ATG13: variants seen among roughly 807,000 people sequenced by gnomAD.
ATG13 encodes the protein autophagy-related protein 13.
In ATG13, 23 loss-of-function variants were observed where a neutral mutation model predicts 65.5. That is an observed-to-expected ratio of 0.35 (90% CI 0.25 to 0.50). The LOEUF is 0.50. ATG13 is among the 20% of genes least tolerant of loss of function. The pLI, the probability that ATG13 is intolerant of heterozygous loss-of-function variation, is 0.98. For missense variants in ATG13, 566 were observed against 677.0 expected (o/e 0.84, Z 1.82); for synonymous variants, 252 against 245.2 (o/e 1.03, Z -0.26).
Position 46,667,821 on chromosome 11 carries a change from T to C in ATG13, c.1185T>C (p.Pro395=), listed in dbSNP as rs1382414536. 2.5e-6 allele frequency: 4 copies of C among 1,612,358 alleles called. No individual in the cohort carries two copies. The African/African-American group carries it at 5.3e-5, about 21-fold the overall frequency. The change falls in exon 15 of 19, where the codon CCT becomes CCC. Residue 395 remains proline (P), a synonymous_variant. Coordinates refer to ENST00000683050, the MANE Select transcript of ATG13 (RefSeq NM_001346311.2). ...ACAGCAGTGAGGGACGGGCCTCCCC[T>C]CACGATGTCTTGGAGACCATCTTTG... ...VSNSSEGRAS[P]HDVLETIFVR... is the part of the protein sequence containing the mutation.
intron 2 of ATG13, among the ~76,000 whole-genome samples, chr11:46,641,411 G>A (rs1591742067): frequency 6.6e-6 from 1 of 152,182 alleles, no homozygotes; most frequent in South Asian, 2.1e-4. Context: ...ATGAGATAGG[G>A]TACTATGAAG....
Position 46,665,448 on chromosome 11 carries a change from G to A in ATG13, c.1065G>A (p.Gln355=). The A allele has an allele frequency of 6.2e-7, 1 of 1,614,216 alleles. No individual in the cohort carries two copies. The highest frequency in any genetic ancestry group is 8.5e-7 in the Non-Finnish European group (1 of 1,180,032). The change falls in exon 14 of 19, where the codon CAG becomes CAA. Residue 355 remains glutamine (Q), a synonymous_variant. Transcript: ENST00000683050. ...LAPNQPVHGT[Q]ADQERLATCT... is the part of the protein sequence containing the mutation. ...CCAACCAGCCTGTCCATGGTACCCA[G>A]GCTGACCAGGAGAGACTGGCAACCT... is the stretch of plus-strand genomic sequence containing the variant.
intron 2 of ATG13, among the ~76,000 whole-genome samples, chr11:46,642,804 G>A (rs186953112): frequency 6.6e-6 from 1 of 152,240 alleles, no homozygotes; most frequent in African/African-American, 2.4e-5. Context: ...ACTTCCTCTC[G>A]TCAAAAGCCT....
chr11:46,656,104 C>A, intron 7 of ATG13, 129 bp from the exon 8 acceptor site: 1 of 728,288 alleles, frequency 1.4e-6, no homozygotes. Context: ...TACTAATGCT[C>A]CATCAGCAGA....
chr11:46,630,692 C>T (rs1401803721), intron 2 of ATG13, among the ~76,000 whole-genome samples: 1 of 151,470 alleles, frequency 6.6e-6, no homozygotes, highest in African/African-American at 2.4e-5. Flanking sequence ...CTACCTCAGC[C>T]TCCCAGTAGC....
chr11:46,653,656 G>A (rs1044057324), intron 7 of ATG13, among the ~76,000 whole-genome samples: 2 of 150,084 alleles, frequency 1.3e-5, no homozygotes, highest in South Asian at 2.1e-4. Flanking sequence ...TGCAAGCTCC[G>A]CCTCCCAGGT....
intron 8 of ATG13, chr11:46,656,802 A>G: frequency 2.7e-6 from 1 of 368,494 alleles, no homozygotes; most frequent in East Asian, 4.6e-5. Flanking sequence ...TAAAACTAAC[A>G]GTTATTTTAT....
At chr11:46,638,000 TTA>T (rs1420493580) in intron 2 of ATG13, among the ~76,000 whole-genome samples, 2 of 152,228 alleles carry the variant, frequency 1.3e-5, no homozygotes, top group South Asian at 4.1e-4. Flanking sequence ...CATTTTTAAT[TTA>T]TGATTGATAC....
chr11:46,638,976 T>TTTTA (rs1209568485), intron 2 of ATG13, among the ~76,000 whole-genome samples: 58 of 151,558 alleles, frequency 3.8e-4, no homozygotes, highest in Middle Eastern at 6.8e-3. Context: ...CTCGGCTGAT[T>TTTTA]TTTATTTATT....
chr11:46,664,031 C>T lies in ATG13; in HGVS notation c.824C>T (p.Thr275Ile), dbSNP rs760922431. ...VFTVTKAHFQ[T>I]PTPVVTDTLR... ...ACTGTCACAAAGGCACATTTTCAGA[C>T]CCCTACTCCTGTGGTGACGGACACC... Residue 275 changes from threonine (T) to isoleucine (I), a missense_variant, in exon 12 of 19, where the codon ACC (threonine) becomes ATC (isoleucine). Coordinates refer to ENST00000683050, the MANE Select transcript of ATG13 (RefSeq NM_001346311.2). 6.3e-6 allele frequency: 10 copies of T among 1,591,130 alleles called. No homozygotes were observed. In the East Asian group the frequency reaches 1.8e-4, roughly 29 times the overall value.
Position 46,650,424 on chromosome 11 carries a change from T to G in ATG13, c.458+107T>G, listed in dbSNP as rs1031719058. The G allele has an allele frequency of 4.2e-6, 6 of 1,422,530 alleles. No homozygotes were observed. The African/African-American group carries it at 4.2e-5, about 10-fold the overall frequency. 88.1% of individuals were successfully genotyped at this position (1,422,530 alleles called of 1,614,324 possible). On this transcript the variant is annotated intron_variant, in intron 7 of 18. Coordinates refer to ENST00000683050, the MANE Select transcript of ATG13 (RefSeq NM_001346311.2). ...TGATGTTTTGGACAGTTGGTTGGTTTGTTGGATTATTGATGCTGTCGCTTT... is the reference window on the plus strand; with the variant it reads ...TGATGTTTTGGACAGTTGGTTGGTTGGTTGGATTATTGATGCTGTCGCTTT...
chr11:46,631,010 C>A (rs1309486124), intron 2 of ATG13: 1 of 152,092 alleles, frequency 6.6e-6, no homozygotes, highest in African/African-American at 2.4e-5. Context: ...CCATGCCCAG[C>A]CTATTCACTT....
At chr11:46,646,027 T>G in intron 5 of ATG13, 38 bp downstream of exon 5, 1 of 1,612,576 alleles carries the variant, frequency 6.2e-7, no homozygotes, top group Non-Finnish European at 8.5e-7. Flanking sequence ...CATTTAGCAC[T>G]GAAGGCTCCT....
chr11:46,664,243 C>A, intron 12 of ATG13, 148 bp downstream of exon 12: 1 of 616,562 alleles, frequency 1.6e-6, no homozygotes, highest in South Asian at 2.3e-5. Context: ...TAATAGGACA[C>A]AGCCACGGCC....
chr11:46,649,090 A>C, intron 5 of ATG13, 47 bp from the exon 6 acceptor site: 1 of 1,554,642 alleles, frequency 6.4e-7, no homozygotes, highest in African/African-American at 1.4e-5. Flanking sequence ...AATGCTTTGA[A>C]ATTAAAAATT....
At chr11:46,664,755 A>C in intron 12 of ATG13, 94 bp from the exon 13 acceptor site, 2 of 1,152,214 alleles carry the variant, frequency 1.7e-6, no homozygotes, top group Non-Finnish European at 1.3e-6. Flanking sequence ...GCCATTCCTT[A>C]TCTCTCTACT....
At chr11:46,669,670 T>C in intron 18 of ATG13, 138 bp downstream of exon 18, 2 of 1,128,830 alleles carry the variant, frequency 1.8e-6, no homozygotes, top group Non-Finnish European at 2.5e-6. Context: ...TTTTGATCAC[T>C]CTTGAGATTG....
intron 11 of ATG13, among the ~76,000 whole-genome samples, chr11:46,660,469 G>C (rs1486679592): frequency 8.7e-5 from 13 of 149,956 alleles, no homozygotes; most frequent in Admixed American, 8.0e-4. Flanking sequence ...GAATGCAGTG[G>C]CATGATTTCA....
intron 2 of ATG13, among the ~76,000 whole-genome samples, chr11:46,642,813 C>T (rs1222223725): frequency 6.6e-6 from 1 of 152,196 alleles, no homozygotes; most frequent in Non-Finnish European, 1.5e-5. Flanking sequence ...CGTCAAAAGC[C>T]TTGGGTGGGC....
Sources: allele counts gnomAD v4.1 joint callset (sites outside exome capture counted in the v4.1 genomes callset), GRCh38; gene constraint gnomAD v4.1.1; transcripts MANE v1.5; gene names NCBI Gene and HGNC (gene_info 2026-07-23, HGNC 2026-07-21).